Variants in LARGE1 observed in about 807,000 individuals in gnomAD.
LARGE1 encodes xylosyl- and glucuronyltransferase LARGE1.
In LARGE1, 43 loss-of-function variants were observed where a neutral mutation model predicts 87.6. That is an observed-to-expected ratio of 0.49 (90% CI 0.38 to 0.63). The LOEUF is 0.63. Ranked by LOEUF, LARGE1 falls within the 30% of genes least tolerant of loss-of-function variation. LARGE1 has a pLI of 0.00. For synonymous variants in LARGE1, 434 were observed against 394.6 expected (o/e 1.10, Z -1.18); for missense variants, 802 against 1,000.2 (o/e 0.80, Z 2.67).
At position 33,658,059 on chromosome 22, in the gene LARGE1, C is replaced by T. The variant is rs141533949; in HGVS notation, c.107-7391G>A. ...TCCAGATAAATGGCTCTTTCCGCACCGAACCGGAATGTCTCCTATTCAACA... is the reference window on the plus strand; with the variant it reads ...TCCAGATAAATGGCTCTTTCCGCACTGAACCGGAATGTCTCCTATTCAACA... On this transcript the variant is annotated intron_variant, in intron 2 of 14. Coordinates refer to ENST00000397394, the MANE Select transcript of LARGE1 (RefSeq NM_133642.5). Among the ~76,000 whole-genome samples, 281 of 152,216 alleles carry T rather than the reference C, an allele frequency of 1.8e-3. 3 individuals are homozygous for T. The highest frequency in any genetic ancestry group is 6.3e-3 in the African/African-American group (261 of 41,536).
At chr22:33,900,105 A>C (rs2157153) in intron 1 of LARGE1, among the ~76,000 whole-genome samples, 79,950 of 152,020 alleles carry the variant, frequency 0.53, 21,691 homozygotes, top group East Asian at 0.86. Context: ...CAAACCAAAA[A>C]ACCAGAATAC....
At chr22:33,704,350 C>T (rs1044355714) in intron 2 of LARGE1, among the ~76,000 whole-genome samples, 3 of 152,238 alleles carry the variant, frequency 2.0e-5, no homozygotes, top group African/African-American at 7.2e-5. Context: ...CCCCAGAATC[C>T]TGGCCTGATG....
At chr22:33,275,486 C>T (rs1041590494) in intron 14 of LARGE1, among the ~76,000 whole-genome samples, 2 of 152,014 alleles carry the variant, frequency 1.3e-5, no homozygotes, top group African/African-American at 4.8e-5. Context: ...ACAACAGCAG[C>T]AAGAAAAGAC....
chr22:33,737,078 C>T (rs2083682434), intron 2 of LARGE1, among the ~76,000 whole-genome samples: 1 of 152,188 alleles, frequency 6.6e-6, no homozygotes, highest in African/African-American at 2.4e-5. Context: ...TCACAGAAGA[C>T]TGTGGCACCC....
At chr22:33,169,544 C>T (rs958698587) in intron 11 of LARGE1, among the ~76,000 whole-genome samples, 32 of 152,030 alleles carry the variant, frequency 2.1e-4, no homozygotes, top group Admixed American at 1.2e-3. Flanking sequence ...TAATAGATAA[C>T]CCAGAGTCAT....
intron 3 of LARGE1, among the ~76,000 whole-genome samples, chr22:33,642,734 A>AAAAAAC (rs2080481168): frequency 6.7e-6 from 1 of 148,884 alleles, no homozygotes; most frequent in African/African-American, 2.5e-5. Context: ...AAAAAAAAAA[A>AAAAAAC]AGGCAGGAGA....
At chr22:33,798,013 C>T (rs2267289) in intron 1 of LARGE1, among the ~76,000 whole-genome samples, 11,045 of 152,226 alleles carry the variant, frequency 0.073, 517 homozygotes, top group Admixed American at 0.11. Context: ...TGGCTTACAC[C>T]TGTAATCCTA....
chr22:33,523,407 CCT>C (rs1156983449), intron 6 of LARGE1, among the ~76,000 whole-genome samples: 4 of 152,262 alleles, frequency 2.6e-5, no homozygotes, highest in African/African-American at 9.6e-5. Context: ...TGCATTTCCT[CCT>C]CTGTGAACTG....
chr22:33,305,377 GGT>G (rs1474867477), intron 11 of LARGE1, among the ~76,000 whole-genome samples: 2 of 127,148 alleles, frequency 1.6e-5, no homozygotes, highest in East Asian at 4.2e-4. Context: ...AAAAAAAAAA[GGT>G]GTGTGTGGAG....
intron 2 of LARGE1, among the ~76,000 whole-genome samples, chr22:33,680,372 A>C (rs1350105874): frequency 1.3e-5 from 2 of 151,982 alleles, no homozygotes; most frequent in African/African-American, 4.8e-5. Context: ...ATTTGTATTG[A>C]TCAGGCTTTA....
chr22:33,798,919 G>T (rs1208281876), intron 1 of LARGE1, among the ~76,000 whole-genome samples: 3 of 152,148 alleles, frequency 2.0e-5, no homozygotes, highest in African/African-American at 7.2e-5. Flanking sequence ...GAATTGGAAG[G>T]AACCTTAAAA....
At chr22:33,181,827 C>CTTTTTTTTTTTTTT (rs56347007) in intron 11 of LARGE1, among the ~76,000 whole-genome samples, 2 of 128,482 alleles carry the variant, frequency 1.6e-5, no homozygotes, top group African/African-American at 6.4e-5. Context: ...TATGCCTGGC[C>CTTTTTTTTTTTTTT]TTTTTTTTTT....
In LARGE1 at chr22:33,568,145, G is replaced by C. The variant is rs956280662; in HGVS notation, c.616-3126C>G. Among the ~76,000 whole-genome samples, 8 of 152,224 alleles carry C rather than the reference G, an allele frequency of 5.3e-5. No homozygotes were observed. In the South Asian group the frequency reaches 6.2e-4, roughly 12 times the overall value. On this transcript the variant is annotated intron_variant, in intron 5 of 14. Transcript: ENST00000397394. ...AGGCCAGCAGATGCTGGAATCCAGA[G>C]AGAATTGCTGTTTGAGTAAGGCCAC...
chr22:33,769,716 G>T (rs560742360), intron 1 of LARGE1, among the ~76,000 whole-genome samples: 5 of 152,240 alleles, frequency 3.3e-5, no homozygotes, highest in African/African-American at 9.6e-5. Flanking sequence ...ATGTGAAAGT[G>T]GAGCTGTCCC....
At chr22:33,336,770 A>G (rs1938494914) in intron 10 of LARGE1, among the ~76,000 whole-genome samples, 1 of 152,020 alleles carries the variant, frequency 6.6e-6, no homozygotes, top group African/African-American at 2.4e-5. Context: ...AACTCTAAAA[A>G]GTCGGTTCTG....
chr22:33,726,263 G>C (rs185089642), intron 2 of LARGE1: 1 of 152,108 alleles, frequency 6.6e-6, no homozygotes, highest in Admixed American at 6.6e-5. Context: ...TGGGAAAACT[G>C]GGAAATATGG....
intron 11 of LARGE1, among the ~76,000 whole-genome samples, chr22:33,193,917 GT>G (rs1259751803): frequency 7.0e-6 from 1 of 143,686 alleles, no homozygotes; most frequent in Admixed American, 7.0e-5. Context: ...TATTATATAT[GT>G]TATATATATT....
chr22:33,558,511 T>C (rs1164519389), intron 6 of LARGE1, among the ~76,000 whole-genome samples: 1 of 152,192 alleles, frequency 6.6e-6, no homozygotes, highest in East Asian at 1.9e-4. Context: ...TATCAGTATC[T>C]TCTTTCTACA....
chr22:33,797,700 G>C (rs928900994), intron 1 of LARGE1, among the ~76,000 whole-genome samples: 29 of 152,312 alleles, frequency 1.9e-4, no homozygotes, highest in Admixed American at 3.9e-4. Flanking sequence ...GCATAAGCCA[G>C]TTTGTAGAGT....
Sources: gnomAD v4.1 joint callset for allele counts (sites outside exome capture counted in the v4.1 genomes callset) on GRCh38, gnomAD v4.1.1 for gene constraint, MANE v1.5 for transcripts, NCBI Gene and HGNC (gene_info 2026-07-23, HGNC 2026-07-21) for gene names.